FBXW8: variants seen among roughly 807,000 people sequenced by gnomAD.
FBXW8 encodes the protein F-box and WD repeat domain containing 8, also known as F-box/WD repeat-containing protein 8.
In FBXW8, 57 loss-of-function variants were observed where a neutral mutation model predicts 65.3. That is an observed-to-expected ratio of 0.87 (90% CI 0.71 to 1.09). FBXW8 has a LOEUF of 1.09. Among genes scored for constraint, FBXW8 ranks in the 50% least tolerant of loss-of-function variants. The pLI, the probability that FBXW8 is intolerant of heterozygous loss-of-function variation, is 0.00. For synonymous variants in FBXW8, 308 were observed against 330.2 expected, an observed-to-expected ratio of 0.93 and a Z score of 0.73; for missense variants, 777 against 814.8, an observed-to-expected ratio of 0.95 and a Z score of 0.57.
In FBXW8 at chr12:116,911,271, C is replaced by T. The variant is rs919989584; in HGVS notation, c.234C>T (p.Asp78=). 157 of 1,257,438 alleles carry T rather than the reference C, an allele frequency of 1.2e-4. No homozygotes were observed. In the African/African-American group the frequency reaches 2.3e-3, roughly 18 times the overall value. 77.9% of individuals were successfully genotyped at this position (1,257,438 alleles called of 1,614,324 possible). The change falls in exon 1 of 11, where the codon GAC becomes GAT. Residue 78 remains aspartate (D), a synonymous_variant. Transcript: ENST00000652555. ...AARATRAEGQ[D]VASRSRSPLA... is the part of the protein sequence containing the mutation. Reference sequence around the variant, plus strand: ...GGGCGACTCGGGCCGAGGGGCAGGACGTAGCGAGCCGCTCACGTTCTCCTC... The same window carrying T: ...GGGCGACTCGGGCCGAGGGGCAGGATGTAGCGAGCCGCTCACGTTCTCCTC...
chr12:116,966,437 A>G (rs1884331277), intron 5 of FBXW8, among the ~76,000 whole-genome samples: 1 of 152,188 alleles, frequency 6.6e-6, no homozygotes, highest in Non-Finnish European at 1.5e-5. Context: ...GAAGCCAGGT[A>G]GGTTGAAGTC....
chr12:116,931,511 T>C (rs1337585299), intron 2 of FBXW8, among the ~76,000 whole-genome samples: 5 of 152,242 alleles, frequency 3.3e-5, no homozygotes, highest in Non-Finnish European at 7.3e-5. Flanking sequence ...GAACATGGAA[T>C]ATCTTTCTAT....
At chr12:117,006,571 A>T (rs1297695218) in intron 7 of FBXW8, among the ~76,000 whole-genome samples, 1 of 151,954 alleles carries the variant, frequency 6.6e-6, no homozygotes, top group East Asian at 1.9e-4. Flanking sequence ...CTCCTTCCTG[A>T]CTCTGGACCA....
intron 7 of FBXW8, 95 bp downstream of exon 7, chr12:116,988,964 A>G (rs1381131414): frequency 1.7e-6 from 2 of 1,181,458 alleles, no homozygotes; most frequent in East Asian, 5.1e-5. Flanking sequence ...ATATTTTTCC[A>G]GATATATCAG....
At chr12:116,988,635 G>A in intron 6 of FBXW8, 28 bp from the exon 7 acceptor site, 1 of 1,602,410 alleles carries the variant, frequency 6.2e-7, no homozygotes, top group Non-Finnish European at 8.5e-7. Flanking sequence ...TGAATTTATG[G>A]GACTAAACAA....
intron 5 of FBXW8, among the ~76,000 whole-genome samples, chr12:116,980,051 A>AT (rs1885204862): frequency 6.6e-6 from 1 of 152,144 alleles, no homozygotes; most frequent in Admixed American, 6.5e-5. Context: ...GGGGAAGCTG[A>AT]TTCATGGACT....
chr12:117,004,550 C>T (rs994870080), intron 7 of FBXW8, among the ~76,000 whole-genome samples: 3 of 152,180 alleles, frequency 2.0e-5, no homozygotes, highest in Non-Finnish European at 4.4e-5. Context: ...TTCTTTTAGC[C>T]TTGCAGGTGG....
At chr12:117,011,098 G>A (rs577571250) in intron 8 of FBXW8, among the ~76,000 whole-genome samples, 37 of 148,866 alleles carry the variant, frequency 2.5e-4, no homozygotes, top group Non-Finnish European at 5.2e-4. Context: ...GTTTCTCCCC[G>A]CCTCTTCTTT....
At chr12:116,985,566 C>T in intron 6 of FBXW8, 164 bp downstream of exon 6, 1 of 667,896 alleles carries the variant, frequency 1.5e-6, no homozygotes, top group Non-Finnish European at 2.5e-6. Flanking sequence ...GTAGCATTTT[C>T]CCCATTTACC....
chr12:116,916,845 G>C (rs1880452008), intron 1 of FBXW8, among the ~76,000 whole-genome samples: 1 of 152,080 alleles, frequency 6.6e-6, no homozygotes, highest in Admixed American at 6.5e-5. Context: ...GAGGTTAGCT[G>C]TGGTCACCTA....
chr12:116,990,856 TG>T (rs1953222515), intron 7 of FBXW8, among the ~76,000 whole-genome samples: 1 of 152,120 alleles, frequency 6.6e-6, no homozygotes, highest in Non-Finnish European at 1.5e-5. Context: ...TGGTTAAAAA[TG>T]TATAGTCCCT....
At chr12:116,980,963 CT>C (rs1214463550) in intron 5 of FBXW8, among the ~76,000 whole-genome samples, 4 of 152,094 alleles carry the variant, frequency 2.6e-5, no homozygotes, top group Non-Finnish European at 4.4e-5. Flanking sequence ...CAGTCAGGGA[CT>C]TTTTTTGTTT....
intron 4 of FBXW8, among the ~76,000 whole-genome samples, chr12:116,952,190 C>T (rs1230303219): frequency 2.0e-5 from 3 of 152,128 alleles, no homozygotes; most frequent in African/African-American, 7.2e-5. Context: ...ATGATGGGCC[C>T]CATATATGAC....
chr12:116,937,592 G>A (rs532931875), intron 2 of FBXW8, among the ~76,000 whole-genome samples: 1 of 152,304 alleles, frequency 6.6e-6, no homozygotes, highest in Admixed American at 6.5e-5. Flanking sequence ...ATGACCATTG[G>A]GTTTTGCAAG....
At chr12:116,996,155 A>G (rs1953368281) in intron 7 of FBXW8, among the ~76,000 whole-genome samples, 1 of 152,194 alleles carries the variant, frequency 6.6e-6, no homozygotes, top group African/African-American at 2.4e-5. Context: ...AGTACTTGGC[A>G]TTTGATGGCA....
rs140575822 is a variant in FBXW8 at position 116,954,666 on chromosome 12, C to G, written c.677+4960C>G. ...TAGTCTTGCAATCCTGATTGTTTTC[C>G]TAGGCTAGAGTCCTGTAAGCAGAAT... On this transcript the variant is annotated intron_variant, in intron 4 of 10. Transcript: ENST00000652555. Among the ~76,000 whole-genome samples, 124 of 152,274 alleles carry G rather than the reference C, an allele frequency of 8.1e-4. 1 individual carries two copies. The East Asian group carries it at 0.023, about 29-fold the overall frequency.
At chr12:116,971,611 A>G (rs1214436854) in intron 5 of FBXW8, among the ~76,000 whole-genome samples, 1 of 152,184 alleles carries the variant, frequency 6.6e-6, no homozygotes, top group Non-Finnish European at 1.5e-5. Flanking sequence ...TCTGTGTTAT[A>G]TCTGAATAAT....
At chr12:116,963,629 C>A (rs896704160) in intron 4 of FBXW8, among the ~76,000 whole-genome samples, 1 of 152,046 alleles carries the variant, frequency 6.6e-6, no homozygotes, top group South Asian at 2.1e-4. Flanking sequence ...AAAACAAAAA[C>A]CAAGAAATTC....
At chr12:116,972,812 G>A (rs1041842883) in intron 5 of FBXW8, among the ~76,000 whole-genome samples, 7 of 152,164 alleles carry the variant, frequency 4.6e-5, no homozygotes, top group African/African-American at 9.7e-5. Context: ...CATGTATGTC[G>A]TATGTATATA....
Sources: allele counts gnomAD v4.1 joint callset (sites outside exome capture counted in the v4.1 genomes callset), GRCh38; gene constraint gnomAD v4.1.1; transcripts MANE v1.5; gene names NCBI Gene and HGNC (gene_info 2026-07-23, HGNC 2026-07-21).